DSCAM: variants seen among roughly 807,000 people sequenced by gnomAD.
DSCAM encodes the protein cell adhesion molecule DSCAM.
In DSCAM, 47 loss-of-function variants were observed where a neutral mutation model predicts 217.7. That is an observed-to-expected ratio of 0.22 (90% CI 0.17 to 0.28). The LOEUF (loss-of-function observed/expected upper bound fraction) is 0.28. Among genes scored for constraint, DSCAM ranks in the 10% least tolerant of loss-of-function variants. The pLI, the probability that DSCAM is intolerant of heterozygous loss-of-function variation, is 1.00. For synonymous variants in DSCAM, 1,056 were observed against 1,015.3 expected (o/e 1.04, Z -0.76); for missense variants, 2,080 against 2,618.3 (o/e 0.79, Z 4.49).
intron 1 of DSCAM, among the ~76,000 whole-genome samples, chr21:40,782,005 A>AAAAG (rs2091550326): frequency 6.7e-6 from 1 of 149,582 alleles, no homozygotes; most frequent in Non-Finnish European, 1.5e-5. Flanking sequence ...AAAAAAAAAA[A>AAAAG]AAAAAGAAAA....
chr21:40,577,011 AT>A (rs199795161), intron 3 of DSCAM, among the ~76,000 whole-genome samples: 1 of 151,426 alleles, frequency 6.6e-6, no homozygotes, highest in Non-Finnish European at 1.5e-5. Flanking sequence ...AAAAAAAAAA[AT>A]AAGATGCAAA....
intron 3 of DSCAM, among the ~76,000 whole-genome samples, chr21:40,610,452 G>T (rs566443795): frequency 6.6e-6 from 1 of 152,324 alleles, no homozygotes; most frequent in East Asian, 1.9e-4. Flanking sequence ...GGCTGGCAAG[G>T]CCCCATCCCC....
At chr21:40,807,706 C>T (rs1196479363) in intron 1 of DSCAM, among the ~76,000 whole-genome samples, 3 of 151,946 alleles carry the variant, frequency 2.0e-5, no homozygotes, top group Non-Finnish European at 2.9e-5. Context: ...AATAAAAGTG[C>T]AGTTAGAACC....
rs188827365 is a variant in DSCAM, at chr21:40,497,679, C to T, written c.509-128434G>A. On this transcript the variant is annotated intron_variant, in intron 3 of 32. Coordinates refer to ENST00000400454, the MANE Select transcript of DSCAM (RefSeq NM_001389.5). ...GCATAGGTTAATTAGCTCAATTTAG[C>T]CATTCCCCAATGTATACATATAAGA... Among the ~76,000 whole-genome samples, 224 of 152,242 alleles carry T rather than the reference C, an allele frequency of 1.5e-3. 2 individuals carry two copies. Among genetic ancestry groups the T allele is most frequent in the Admixed American group, 5.3e-3 (81 of 15,282 alleles).
At chr21:40,463,467 T>A (rs532657942) in intron 3 of DSCAM, among the ~76,000 whole-genome samples, 154 of 152,204 alleles carry the variant, frequency 1.0e-3, no homozygotes, top group African/African-American at 3.6e-3. Context: ...CCATCAGTTC[T>A]TCCAGTGTGT....
At chr21:40,018,833 T>C (rs1210053952) in intron 32 of DSCAM, among the ~76,000 whole-genome samples, 1 of 152,270 alleles carries the variant, frequency 6.6e-6, no homozygotes, top group East Asian at 1.9e-4. Context: ...TGCCTACATG[T>C]ATTTGTTTAT....
intron 16 of DSCAM, among the ~76,000 whole-genome samples, chr21:40,151,084 T>C (rs1299329265): frequency 1.3e-5 from 2 of 152,156 alleles, no homozygotes; most frequent in African/African-American, 4.8e-5. Context: ...GTAGTACCTG[T>C]TGTGAGATCT....
At chr21:40,160,771 T>C (rs1395621574) in intron 16 of DSCAM, among the ~76,000 whole-genome samples, 1 of 152,194 alleles carries the variant, frequency 6.6e-6, no homozygotes, top group East Asian at 1.9e-4. Flanking sequence ...TATTGCAACT[T>C]TACAGCTTAT....
chr21:40,712,605 G>A (rs971959225), intron 1 of DSCAM, among the ~76,000 whole-genome samples: 8 of 150,926 alleles, frequency 5.3e-5, no homozygotes, highest in African/African-American at 1.7e-4. Flanking sequence ...TGTGTGTTTC[G>A]TAAATGCTAG....
chr21:40,528,277 A>C (rs960462279), intron 3 of DSCAM, among the ~76,000 whole-genome samples: 27 of 152,190 alleles, frequency 1.8e-4, no homozygotes, highest in Non-Finnish European at 4.4e-5. Context: ...CATAAGAGAC[A>C]CAAAGCGAGA....
At chr21:40,563,620 A>ACATG (rs1345693014) in intron 3 of DSCAM, among the ~76,000 whole-genome samples, 1 of 121,030 alleles carries the variant, frequency 8.3e-6, no homozygotes, top group African/African-American at 3.7e-5. Context: ...TTACATGTTT[A>ACATG]TATATAGTTA....
chr21:40,551,570 A>G (rs1432312501), intron 3 of DSCAM, among the ~76,000 whole-genome samples: 1 of 152,206 alleles, frequency 6.6e-6, no homozygotes, highest in Non-Finnish European at 1.5e-5. Context: ...AAGATGAAAG[A>G]TCTAGTTATG....
chr21:40,407,174 T>C (rs143603127), intron 3 of DSCAM, among the ~76,000 whole-genome samples: 25 of 152,358 alleles, frequency 1.6e-4, no homozygotes, highest in African/African-American at 5.8e-4. Context: ...TGCAGTAATA[T>C]ATATTTTAAT....
chr21:40,549,449 A>G (rs1235019790), intron 3 of DSCAM, among the ~76,000 whole-genome samples: 2 of 152,206 alleles, frequency 1.3e-5, no homozygotes, highest in African/African-American at 4.8e-5. Context: ...GCGCTTAGGA[A>G]GAGAACAGCT....
intron 3 of DSCAM, among the ~76,000 whole-genome samples, chr21:40,414,445 C>A (rs1470251470): frequency 6.6e-6 from 1 of 152,168 alleles, no homozygotes; most frequent in Non-Finnish European, 1.5e-5. Context: ...ACGCATACCT[C>A]CTAGAATAGC....
At chr21:40,748,757 A>G (rs1314846819) in intron 1 of DSCAM, among the ~76,000 whole-genome samples, 1 of 152,104 alleles carries the variant, frequency 6.6e-6, no homozygotes, top group East Asian at 1.9e-4. Context: ...TGGAAATGCA[A>G]AAGATCCTGG....
intron 3 of DSCAM, among the ~76,000 whole-genome samples, chr21:40,664,332 A>G (rs1201379836): frequency 2.0e-5 from 3 of 152,272 alleles, no homozygotes; most frequent in African/African-American, 4.8e-5. Context: ...CTGACTCTTC[A>G]TTTATTGTTA....
At chr21:40,619,662 T>C (rs1158798512) in intron 3 of DSCAM, among the ~76,000 whole-genome samples, 1 of 152,196 alleles carries the variant, frequency 6.6e-6, no homozygotes, top group Non-Finnish European at 1.5e-5. Context: ...AAATAATCTG[T>C]TCTAGGAGTT....
rs141085422 is a variant in DSCAM at position 40,031,123 on chromosome 21, G to GTTTT, written c.5686+11244_5686+11247dup. On this transcript the variant is annotated intron_variant, in intron 32 of 32. Coordinates refer to ENST00000400454, the MANE Select transcript of DSCAM (RefSeq NM_001389.5). ...TTCTGAGCCCCTTAAAAGGCTCACT[G>GTTTT]TTTTTCTTGGGTAGCTTATTGGGGT... is the stretch of plus-strand genomic sequence containing the variant. Among the ~76,000 whole-genome samples the GTTTT allele has an allele frequency of 4.7e-4, 72 of 152,244 alleles. No individual in the cohort carries two copies. The East Asian group carries it at 0.013, about 28-fold the overall frequency.
Sources: gnomAD v4.1 joint callset for allele counts (sites outside exome capture counted in the v4.1 genomes callset) on GRCh38, gnomAD v4.1.1 for gene constraint, MANE v1.5 for transcripts, NCBI Gene and HGNC (gene_info 2026-07-23, HGNC 2026-07-21) for gene names.